BCHE: variants seen among roughly 807,000 people sequenced by gnomAD.
The protein encoded by BCHE is cholinesterase.
BCHE carries 48 observed loss-of-function variants against 51.3 expected under a neutral mutation model. That is an observed-to-expected ratio of 0.94 (90% CI 0.74 to 1.19). BCHE has a LOEUF of 1.19. Among genes scored for constraint, BCHE ranks in the 50% most tolerant of loss-of-function variants. The pLI, the probability that BCHE is intolerant of heterozygous loss-of-function variation, is 0.00. For missense variants in BCHE, 847 were observed against 708.2 expected (o/e 1.20, Z -2.23); for synonymous variants, 251 against 238.0 (o/e 1.05, Z -0.50).
chr3:165,819,520 T>C (rs1714436660), intron 2 of BCHE, among the ~76,000 whole-genome samples: 3 of 152,168 alleles, frequency 2.0e-5, no homozygotes, highest in Non-Finnish European at 4.4e-5. Flanking sequence ...CATTCCTTCA[T>C]AAATGCATTT....
intron 2 of BCHE, among the ~76,000 whole-genome samples, chr3:165,802,899 G>A (rs1713721333): frequency 6.6e-6 from 1 of 151,872 alleles, no homozygotes; most frequent in African/African-American, 2.4e-5. Context: ...CCACCACCAA[G>A]CCCGGCTAAT....
chr3:165,790,337 G>A lies in BCHE; in HGVS notation c.1518-4026C>T, dbSNP rs561621756. Among the ~76,000 whole-genome samples, 6 of 152,176 alleles carry A rather than the reference G, an allele frequency of 3.9e-5. No homozygotes were observed. In the East Asian group the frequency reaches 9.6e-4, roughly 24 times the overall value. ...ATTGGCAATACTCCATAAGTACACC[G>A]GCACAATAGATGTCCTGAAGATAAT... On this transcript the variant is annotated intron_variant, in intron 2 of 3. Coordinates refer to ENST00000264381, the MANE Select transcript of BCHE (RefSeq NM_000055.4).
chr3:165,803,218 A>C (rs1308080941), intron 2 of BCHE, among the ~76,000 whole-genome samples: 4 of 152,224 alleles, frequency 2.6e-5, no homozygotes, highest in Admixed American at 1.3e-4. Flanking sequence ...TGTCGTAGGT[A>C]CTGGGAATAT....
intron 3 of BCHE, among the ~76,000 whole-genome samples, chr3:165,780,251 A>G (rs920199656): frequency 6.6e-6 from 1 of 152,210 alleles, no homozygotes; most frequent in Non-Finnish European, 1.5e-5. Context: ...CTTTATACAA[A>G]GATTAACTCA....
chr3:165,796,612 G>T (rs1713387598), intron 2 of BCHE, among the ~76,000 whole-genome samples: 1 of 152,044 alleles, frequency 6.6e-6, no homozygotes, highest in Non-Finnish European at 1.5e-5. Context: ...GATGTAGTGT[G>T]TTTTTTTAAT....
chr3:165,795,642 T>C (rs1205090544), intron 2 of BCHE, among the ~76,000 whole-genome samples: 3 of 152,164 alleles, frequency 2.0e-5, no homozygotes, highest in African/African-American at 7.2e-5. Flanking sequence ...CCTAGATTCA[T>C]TATAGTTTGT....
At chr3:165,795,480 C>T (rs555014019) in intron 2 of BCHE, among the ~76,000 whole-genome samples, 6 of 152,206 alleles carry the variant, frequency 3.9e-5, no homozygotes, top group South Asian at 4.1e-4. Flanking sequence ...TGCAGCTGTG[C>T]ATAGAGAATG....
intron 2 of BCHE, among the ~76,000 whole-genome samples, chr3:165,787,610 A>T (rs1382885865): frequency 2.0e-5 from 3 of 151,936 alleles, no homozygotes; most frequent in Non-Finnish European, 2.9e-5. Flanking sequence ...AAAGCTAGAA[A>T]AAGGGATAGA....
At chr3:165,817,140 G>T (rs957206583) in intron 2 of BCHE, among the ~76,000 whole-genome samples, 7 of 151,922 alleles carry the variant, frequency 4.6e-5, no homozygotes, top group Admixed American at 2.0e-4. Flanking sequence ...AAAAAATTTT[G>T]CAGTGTAGTA....
chr3:165,830,823 A>T lies in BCHE; in HGVS notation c.211T>A (p.Phe71Ile), dbSNP rs367844208. Residue 71 changes from phenylalanine to isoleucine, a missense_variant, in exon 2 of 4, where the codon TTC becomes ATC. Coordinates refer to ENST00000264381, the MANE Select transcript of BCHE (RefSeq NM_000055.4). ...YAQPPLGRLR[F>I]KKPQSLTKWS... ...TTGGTCAGAGACTGTGGCTTTTTGA[A>T]TCGAAGTCTACCAAGAGGTGGCTGT... is the stretch of plus-strand genomic sequence containing the variant. 2.2e-5 allele frequency: 36 copies of T among 1,613,736 alleles called. No homozygotes were observed. Among genetic ancestry groups the T allele is most frequent in the Non-Finnish European group, 2.6e-5 (31 of 1,179,918 alleles).
intron 2 of BCHE, among the ~76,000 whole-genome samples, chr3:165,803,443 AT>A (rs1423894644): frequency 3.3e-5 from 5 of 152,192 alleles, no homozygotes; most frequent in Non-Finnish European, 5.9e-5. Context: ...TCTAAAAAAA[AT>A]AAAAAGTCAT....
intron 2 of BCHE, among the ~76,000 whole-genome samples, chr3:165,788,769 A>G (rs1305939227): frequency 6.6e-6 from 1 of 152,190 alleles, no homozygotes; most frequent in African/African-American, 2.4e-5. Flanking sequence ...TGACACTGCC[A>G]GTGAGTGTTC....
At chr3:165,800,408 C>G (rs1576849851) in intron 2 of BCHE, among the ~76,000 whole-genome samples, 1 of 151,942 alleles carries the variant, frequency 6.6e-6, no homozygotes, top group South Asian at 2.1e-4. Flanking sequence ...GGCCCCAGGG[C>G]TATTTTTATT....
At chr3:165,787,938 A>T (rs1300971905) in intron 2 of BCHE, among the ~76,000 whole-genome samples, 1 of 152,038 alleles carries the variant, frequency 6.6e-6, no homozygotes, top group African/African-American at 2.4e-5. Context: ...AAAAGATTAA[A>T]GTGACAAAGA....
At chr3:165,775,551 T>C (rs1712438293) in intron 3 of BCHE, among the ~76,000 whole-genome samples, 1 of 151,676 alleles carries the variant, frequency 6.6e-6, no homozygotes, top group African/African-American at 2.4e-5. Context: ...TCTTGATAAA[T>C]AAATTTTTGG....
At chr3:165,813,771 A>T (rs545579397) in intron 2 of BCHE, among the ~76,000 whole-genome samples, 1 of 152,044 alleles carries the variant, frequency 6.6e-6, no homozygotes, top group East Asian at 1.9e-4. Context: ...AATATTATTT[A>T]TTCTTTATAT....
At chr3:165,792,845 A>G (rs1342461410) in intron 2 of BCHE, among the ~76,000 whole-genome samples, 1 of 152,206 alleles carries the variant, frequency 6.6e-6, no homozygotes, top group Non-Finnish European at 1.5e-5. Flanking sequence ...TTGTGCTGAT[A>G]TCTTCCTCCA....
At chr3:165,796,610 GT>G (rs1443089434) in intron 2 of BCHE, among the ~76,000 whole-genome samples, 1 of 152,082 alleles carries the variant, frequency 6.6e-6, no homozygotes, top group Admixed American at 6.5e-5. Context: ...GAGATGTAGT[GT>G]GTTTTTTTAA....
intron 2 of BCHE, among the ~76,000 whole-genome samples, chr3:165,812,878 T>C (rs1313284978): frequency 6.6e-6 from 1 of 151,992 alleles, no homozygotes; most frequent in Non-Finnish European, 1.5e-5. Flanking sequence ...CTGGGGTCCA[T>C]AGCAGTTTAC....
Sources: allele counts gnomAD v4.1 joint callset (sites outside exome capture counted in the v4.1 genomes callset), GRCh38; gene constraint gnomAD v4.1.1; transcripts MANE v1.5; gene names NCBI Gene and HGNC (gene_info 2026-07-23, HGNC 2026-07-21).